The following MICAL3 variants were observed in gnomAD, a reference collection of about 807,000 sequenced individuals.
The protein encoded by MICAL3 is [F-actin]-monooxygenase MICAL3.
Under a neutral mutation model 207.4 loss-of-function variants are expected in MICAL3, and 62 were observed. The ratio of observed to expected loss-of-function variants is 0.30; its 90% CI spans 0.24 to 0.37. The LOEUF (loss-of-function observed/expected upper bound fraction) is 0.37. Among genes scored for constraint, MICAL3 ranks in the 10% least tolerant of loss-of-function variants. MICAL3 has a pLI of 1.00. For synonymous variants in MICAL3, 1,077 were observed against 1,069.3 expected, an observed-to-expected ratio of 1.01 and a Z score of -0.14; for missense variants, 2,368 against 2,635.6, an observed-to-expected ratio of 0.90 and a Z score of 2.22.
intron 6 of MICAL3, 23 bp from the exon 7 acceptor site, chr22:17,899,571 T>TG: frequency 2.0e-6 from 3 of 1,485,358 alleles, no homozygotes; most frequent in Non-Finnish European, 1.9e-6. Flanking sequence ...GACAAACGTG[T>TG]GCATGTAAGT....
chr22:17,807,983 G>A (rs746511022), intron 29 of MICAL3, among the ~76,000 whole-genome samples: 2 of 152,262 alleles, frequency 1.3e-5, no homozygotes, highest in Non-Finnish European at 2.9e-5. Context: ...GAGACTAGAC[G>A]AAGATTTGTG....
At chr22:17,901,174 A>C (rs530455919) in intron 5 of MICAL3, among the ~76,000 whole-genome samples, 177 bp from the exon 6 acceptor site, 2 of 152,364 alleles carry the variant, frequency 1.3e-5, no homozygotes, top group East Asian at 3.9e-4. Context: ...CAAGAATATG[A>C]AAATTCAGGG....
intron 17 of MICAL3, among the ~76,000 whole-genome samples, chr22:17,868,927 A>G (rs1015744926): frequency 2.0e-4 from 30 of 152,068 alleles, no homozygotes; most frequent in Admixed American, 9.8e-4. Context: ...CGAGCCCTGC[A>G]TGGAGAACCA....
chr22:17,913,476 TG>T (rs1932266276), intron 1 of MICAL3, among the ~76,000 whole-genome samples: 1 of 152,050 alleles, frequency 6.6e-6, no homozygotes, highest in East Asian at 1.9e-4. Context: ...TACCAAAACG[TG>T]GTATCCAGGA....
In MICAL3 at chr22:17,853,345, T is replaced by G. The variant is rs1438049853; in HGVS notation, c.2606-11328A>C. Among the ~76,000 whole-genome samples the G allele has an allele frequency of 3.3e-5, 5 of 152,162 alleles. 1 individual carries two copies. In the South Asian group the frequency reaches 1.0e-3, roughly 32 times the overall value. On this transcript the variant is annotated intron_variant, in intron 19 of 31. Transcript: ENST00000441493. ...TGGAGACAGCCAAGCTCTCACCTCT[T>G]CTGCTTCCCCCAGCTTCTGTTGGCT...
intron 16 of MICAL3, among the ~76,000 whole-genome samples, chr22:17,884,675 CA>C (rs1214952987): frequency 6.6e-6 from 1 of 151,890 alleles, no homozygotes; most frequent in Non-Finnish European, 1.5e-5. Context: ...TATTCCCATC[CA>C]AAATGAGGAA....
intron 19 of MICAL3, among the ~76,000 whole-genome samples, chr22:17,850,474 G>A (rs1018246761): frequency 7.0e-6 from 1 of 142,142 alleles, no homozygotes; most frequent in Non-Finnish European, 1.5e-5. Context: ...GCAGTGGTGC[G>A]ATCTTGGCTC....
In MICAL3 at chr22:17,900,893, C is replaced by A; in HGVS notation, c.796G>T (p.Val266Leu). Residue 266 changes from valine to leucine, a missense_variant, in exon 6 of 32, where the codon GTG becomes TTG. Val to Leu is a conservative substitution (Grantham distance 32). Around this residue, in one of 4 missense-constraint regions of MICAL3, gnomAD observed 400 missense variants for 547.0 expected, o/e 0.73. Transcript: ENST00000441493. The surrounding 1 kb of genome is among the most constrained non-coding windows in gnomAD (Gnocchi z 4.0). Reference protein sequence around the residue: ...AEAKVEEISGVAFIFNQKFFQ... With the variant: ...AEAKVEEISGLAFIFNQKFFQ... The stretch of plus-strand genomic sequence containing the variant: ...AATTTTTGGTTGAATATAAAAGCCA[C>A]ACCACTGATCTCTTCCACTTTAGCT... 1 of 1,614,028 alleles carries A rather than the reference C, an allele frequency of 6.2e-7. No homozygotes were observed. Among genetic ancestry groups the A allele is most frequent in the Non-Finnish European group, 8.5e-7 (1 of 1,179,878 alleles).
chr22:18,001,121 C>T (rs1922946558), intron 1 of MICAL3: 1 of 152,192 alleles, frequency 6.6e-6, no homozygotes, highest in South Asian at 2.1e-4. Flanking sequence ...GAGGTGACCA[C>T]ACGGGAACGC....
chr22:17,817,330 C>A lies in MICAL3; in HGVS notation c.5331G>T (p.Val1777=). 6.2e-7 allele frequency: 1 copy of A among 1,604,162 alleles called. No individual in the cohort carries two copies. The highest frequency in any genetic ancestry group is 8.5e-7 in the Non-Finnish European group (1 of 1,175,818). ...ACGCACCTGCCCTTACGACGGGAAG[C>A]ACCCTGTGCTTTCCAGAGTCCACCG... ...GATVDSGKHR[V]LPVVRAELQL... Residue 1777 remains valine (V), a synonymous_variant, in exon 26 of 32, where the codon GTG becomes GTT. Transcript: ENST00000441493.
intron 27 of MICAL3, among the ~76,000 whole-genome samples, chr22:17,811,864 C>T (rs1326718512): frequency 1.3e-5 from 2 of 152,194 alleles, no homozygotes; most frequent in African/African-American, 4.8e-5. Context: ...CCCGCCTCAG[C>T]CTCCCGAGTA....
At chr22:17,954,026 G>A (rs184495941) in intron 1 of MICAL3, among the ~76,000 whole-genome samples, 29 of 151,680 alleles carry the variant, frequency 1.9e-4, no homozygotes, top group African/African-American at 7.0e-4. Context: ...CGGCATTCTG[G>A]GGAAGCAGTG....
chr22:17,974,909 G>A (rs1354528030), intron 1 of MICAL3, among the ~76,000 whole-genome samples: 2 of 152,164 alleles, frequency 1.3e-5, no homozygotes, highest in Non-Finnish European at 2.9e-5. Flanking sequence ...TGTGGATGAA[G>A]AAACAGAAAT....
At chr22:17,966,888 G>A (rs567383515) in intron 1 of MICAL3, among the ~76,000 whole-genome samples, 2 of 152,310 alleles carry the variant, frequency 1.3e-5, no homozygotes, top group East Asian at 3.9e-4. Flanking sequence ...AGGGTTATCT[G>A]TAAGAACTAG....
At chr22:17,939,142 C>T (rs551851115) in intron 1 of MICAL3, among the ~76,000 whole-genome samples, 1 of 152,276 alleles carries the variant, frequency 6.6e-6, no homozygotes, top group East Asian at 1.9e-4. Flanking sequence ...TAAGTTGGCA[C>T]ATTCAGCTCC....
intron 1 of MICAL3, among the ~76,000 whole-genome samples, chr22:17,934,436 T>A (rs1163096067): frequency 1.3e-5 from 2 of 152,132 alleles, no homozygotes; most frequent in Non-Finnish European, 2.9e-5. Flanking sequence ...CTCAATAAAC[T>A]AGGTATTGAT....
chr22:17,823,913 C>T (rs1208976451), intron 22 of MICAL3, among the ~76,000 whole-genome samples: 1 of 152,172 alleles, frequency 6.6e-6, no homozygotes, highest in African/African-American at 2.4e-5. Context: ...TGCAGGGGCA[C>T]CAGATGAGCT....
intron 1 of MICAL3, among the ~76,000 whole-genome samples, chr22:18,020,962 AAAT>A (rs1264399033): frequency 1.3e-3 from 176 of 135,964 alleles, no homozygotes; most frequent in Non-Finnish European, 2.1e-3. Context: ...ATAAATAAAT[AAAT>A]AAAATGGCCC....
At chr22:18,023,453 T>C (rs1345630207) in intron 1 of MICAL3, among the ~76,000 whole-genome samples, 1 of 152,252 alleles carries the variant, frequency 6.6e-6, no homozygotes, top group Non-Finnish European at 1.5e-5. Context: ...ATGAAAATTC[T>C]AAATAGTTGA....
Sources: gnomAD v4.1 joint callset for allele counts (sites outside exome capture counted in the v4.1 genomes callset) on GRCh38, gnomAD v4.1.1 for gene constraint, gnomAD v4.1.1 regional missense constraint, Gnocchi (gnomAD v3.1) non-coding constraint, MANE v1.5 for transcripts, NCBI Gene and HGNC (gene_info 2026-07-23, HGNC 2026-07-21) for gene names.